The following SCLY variants were observed in gnomAD, a reference collection of about 807,000 sequenced individuals.
The protein encoded by SCLY is selenocysteine lyase, also known as putative selenocysteine lyase.
Under a neutral mutation model 50.1 loss-of-function variants are expected in SCLY, and 38 were observed. The ratio of observed to expected loss-of-function variants is 0.76; its 90% CI spans 0.59 to 0.99. The LOEUF (loss-of-function observed/expected upper bound fraction) is 0.99, where lower values mean the gene tolerates loss of function less well. SCLY is among the 50% of genes least tolerant of loss of function. The probability of loss-of-function intolerance (pLI) is 0.00; values close to 1 mark genes in which losing one functional copy is unlikely to be tolerated. For synonymous variants in SCLY, 243 were observed against 249.4 expected (o/e 0.97, Z 0.24); for missense variants, 600 against 620.0 (o/e 0.97, Z 0.34).
intron 11 of SCLY, among the ~76,000 whole-genome samples, chr2:238,097,952 G>T (rs139515422): frequency 1.3e-5 from 2 of 152,220 alleles, no homozygotes; most frequent in Admixed American, 1.3e-4. Context: ...GAGGGAGGCA[G>T]TGTCACCTGG....
At chr2:238,072,123 C>T (rs2065133931) in intron 4 of SCLY, among the ~76,000 whole-genome samples, 1 of 152,176 alleles carries the variant, frequency 6.6e-6, no homozygotes, top group South Asian at 2.1e-4. Flanking sequence ...CTATTCTAGA[C>T]TCCCCTATGA....
rs141996748 is a variant in SCLY at position 238,077,838 on chromosome 2, C to G, written c.485-3871C>G. Among the ~76,000 whole-genome samples the G allele has an allele frequency of 2.2e-3, 340 of 152,230 alleles. 8 individuals are homozygous for G. The highest frequency in any genetic ancestry group is 0.014 in the Admixed American group (220 of 15,280). ...AAACTGCTTGAACATCACACAGCAT[C>G]TAAGACTTATCTTTGATGTGAATAA... On this transcript the variant is annotated intron_variant, in intron 4 of 11. Coordinates refer to ENST00000254663, the MANE Select transcript of SCLY (RefSeq NM_016510.7).
rs2106435016 is a variant in SCLY, at chr2:238,064,450, C to T, written c.183C>T (p.Pro61=). 2 of 1,608,648 alleles carry T rather than the reference C, an allele frequency of 1.2e-6. No individual in the cohort carries two copies. Among genetic ancestry groups the T allele is most frequent in the South Asian group, 2.2e-5 (2 of 89,970 alleles). The change falls in exon 2 of 12, where the codon CCC becomes CCT. Residue 61 remains proline (P), a synonymous_variant. Transcript: ENST00000254663. ...TKAMWEAWGN[P]SSPYSAGRKA... The stretch of plus-strand genomic sequence containing the variant: ...CCATGTGGGAAGCCTGGGGAAATCC[C>T]AGCAGCCCGTATTCAGCAGGTAATT...
chr2:238,083,253 T>A lies in SCLY; in HGVS notation c.783T>A (p.Tyr261Ter). Reference sequence around the variant, plus strand: ...TGACCAACTTTTCCTTCCAGTTTTATGGTCCCAGGATTGGCGCACTTTATA... The same window carrying A: ...TGACCAACTTTTCCTTCCAGTTTTAAGGTCCCAGGATTGGCGCACTTTATA... The part of the protein sequence containing the change: ...DFLTIVGHKF[Y>*]GPRIGALYIR... Residue 261 changes from tyrosine (Y) to a stop codon, truncating the protein, a stop_gained, in exon 7 of 12, where the codon TAT becomes TAA. Coordinates refer to ENST00000254663, the MANE Select transcript of SCLY (RefSeq NM_016510.7). LOFTEE classifies it high-confidence loss of function. This position sits in a 1 kb window ranked among gnomAD's most constrained non-coding sequence, Gnocchi z 4.3. 1 of 1,611,134 alleles carries A rather than the reference T, an allele frequency of 6.2e-7. No individual in the cohort carries two copies.
intron 4 of SCLY, among the ~76,000 whole-genome samples, chr2:238,072,595 T>C (rs1224550386): frequency 1.3e-5 from 2 of 152,244 alleles, no homozygotes; most frequent in Admixed American, 1.3e-4. Context: ...TAAAGTGGTA[T>C]CTCATTTTGG....
intron 7 of SCLY, among the ~76,000 whole-genome samples, chr2:238,087,161 CA>C (rs34951361): frequency 2.2e-3 from 271 of 123,946 alleles, no homozygotes; most frequent in Admixed American, 2.4e-3. Context: ...CCTGTTTCTA[CA>C]AAAAAAAAAA....
chr2:238,096,922 G>A, intron 11 of SCLY, 46 bp downstream of exon 11: 1 of 1,518,988 alleles, frequency 6.6e-7, no homozygotes, highest in Non-Finnish European at 8.9e-7. Flanking sequence ...GGGTCCTCCG[G>A]GCACTGGGTG....
At chr2:238,085,796 G>A (rs974673570) in intron 7 of SCLY, among the ~76,000 whole-genome samples, 3 of 152,076 alleles carry the variant, frequency 2.0e-5, no homozygotes, top group South Asian at 2.1e-4. Context: ...TATAACATTC[G>A]TTTCATTGAA....
Position 238,098,332 on chromosome 2 carries a change from G to A in SCLY, c.1315G>A (p.Ala439Thr), listed in dbSNP as rs1691283104. 1 of 1,603,246 alleles carries A rather than the reference G, an allele frequency of 6.2e-7. No homozygotes were observed. Among genetic ancestry groups the A allele is most frequent in the Non-Finnish European group, 8.5e-7 (1 of 1,178,100 alleles). ...CGTGCAGGACCTGAAGCAGGCCGTG[G>A]CGCAGCTGGAGGACCAGGCCTAGCA... ...LVVQDLKQAV[A>T]QLEDQA Residue 439 changes from alanine (A) to threonine (T), a missense_variant, in exon 12 of 12, where the codon GCG becomes ACG. Coordinates refer to ENST00000254663, the MANE Select transcript of SCLY (RefSeq NM_016510.7).
rs542685874 is a variant in SCLY, at chr2:238,099,390, C to T, written c.*1035C>T. On this transcript the variant is annotated 3_prime_UTR_variant, in exon 12 of 12. Transcript: ENST00000254663. ...AAACACTTGCCAGAAACTAAATTAACGAATAAAAGATTTCAGTGCCCGACT... is the reference window on the plus strand; with the variant it reads ...AAACACTTGCCAGAAACTAAATTAATGAATAAAAGATTTCAGTGCCCGACT... The T allele has an allele frequency of 6.5e-6, 3 of 462,546 alleles. No individual in the cohort carries two copies. The highest frequency in any genetic ancestry group is 2.4e-5 in the Admixed American group (1 of 41,612). The allele number at this position is 462,546 out of a possible 1,614,324, so 28.7% of individuals were successfully genotyped here.
At position 238,069,371 on chromosome 2, in the gene SCLY, G is replaced by A; in HGVS notation, c.378G>A (p.Gly126=). The A allele has an allele frequency of 6.2e-7, 1 of 1,614,126 alleles. No individual in the cohort carries two copies. ...ANQTSKGHTG[G]HHSPVKGAKP... ...AGACCTCAAAGGGACACACAGGTGG[G>A]CACCACAGCCCAGTGAAGGGGGCCA... The change falls in exon 4 of 12, where the codon GGG becomes GGA. Residue 126 remains glycine, a synonymous_variant. Transcript: ENST00000254663. The surrounding 1 kb of genome is among the most constrained non-coding windows in gnomAD (Gnocchi z 5.0).
At chr2:238,070,270 T>G (rs1030196920) in intron 4 of SCLY, among the ~76,000 whole-genome samples, 5 of 152,224 alleles carry the variant, frequency 3.3e-5, no homozygotes, top group African/African-American at 1.2e-4. Context: ...ACCTGAGTTT[T>G]CTTGTGTAAT....
chr2:238,091,533 T>TACA, intron 8 of SCLY: 30 of 400,238 alleles, frequency 7.5e-5, no homozygotes, highest in South Asian at 2.3e-4. Context: ...AGGTGAAGTG[T>TACA]CAAGCTGCAG....
intron 7 of SCLY, among the ~76,000 whole-genome samples, chr2:238,091,010 C>T (rs148629006): frequency 6.6e-6 from 1 of 152,264 alleles, no homozygotes; most frequent in African/African-American, 2.4e-5. Flanking sequence ...CACAGTGGGC[C>T]TCGTTGACCT....
intron 10 of SCLY, chr2:238,095,427 C>G (rs1441832200): frequency 5.3e-5 from 8 of 152,186 alleles, no homozygotes; most frequent in Non-Finnish European, 8.8e-5. Flanking sequence ...TGAGCTGCAT[C>G]TGTAAACAAG....
chr2:238,064,213 T>A, intron 1 of SCLY, 144 bp from the exon 2 acceptor site: 1 of 411,864 alleles, frequency 2.4e-6, no homozygotes. Flanking sequence ...AAGTGCAGCT[T>A]GTGGATGCCT....
Position 238,090,350 on chromosome 2 carries a change from C to A in SCLY, c.885-868C>A, listed in dbSNP as rs1574712796. 2.0e-5 allele frequency among the ~76,000 whole-genome samples: 3 copies of A among 152,284 alleles called. No individual in the cohort carries two copies. The East Asian group carries it at 5.8e-4, about 29-fold the overall frequency. On this transcript the variant is annotated intron_variant, in intron 7 of 11. Coordinates refer to ENST00000254663, the MANE Select transcript of SCLY (RefSeq NM_016510.7). Reference sequence around the variant, plus strand: ...GAGGTTTAAGAAAACTTTGTTCAGGCAAACTTAAGAAATTAATGGGCCGGG... The same window carrying A: ...GAGGTTTAAGAAAACTTTGTTCAGGAAAACTTAAGAAATTAATGGGCCGGG...
chr2:238,075,371 CAG>C (rs1230841520), intron 4 of SCLY, among the ~76,000 whole-genome samples: 1 of 152,166 alleles, frequency 6.6e-6, no homozygotes, highest in East Asian at 1.9e-4. Flanking sequence ...AGTTTAGTGT[CAG>C]GGTAAAATTT....
intron 8 of SCLY, chr2:238,091,543 GGT>G: frequency 6.7e-5 from 22 of 328,696 alleles, no homozygotes; most frequent in South Asian, 2.3e-4. Context: ...TCAAGCTGCA[GGT>G]TCACCATTCC....
Sources: allele counts gnomAD v4.1 joint callset (sites outside exome capture counted in the v4.1 genomes callset), GRCh38; gene constraint gnomAD v4.1.1; non-coding constraint Gnocchi (gnomAD v3.1); transcripts MANE v1.5; gene names NCBI Gene and HGNC (gene_info 2026-07-23, HGNC 2026-07-21).